The following HYDIN variants were observed in gnomAD, a reference collection of about 807,000 sequenced individuals.
The protein encoded by HYDIN is axonemal central pair apparatus protein HYDIN.
A neutral mutation model predicts 403.9 loss-of-function variants in HYDIN; 132 were observed. That is an observed-to-expected ratio of 0.33 (90% confidence interval 0.28 to 0.38). The LOEUF is 0.38. HYDIN is among the 10% of genes least tolerant of loss of function. The pLI is 1.00. For missense variants in HYDIN, 2,827 were observed against 5,009.5 expected (o/e 0.56, Z 13.15); for synonymous variants, 1,202 against 1,891.7 (o/e 0.64, Z 9.46).
At chr16:70,834,952 A>G (rs1190823459) in intron 78 of HYDIN, among the ~76,000 whole-genome samples, 8 of 143,992 alleles carry the variant, frequency 5.6e-5, no homozygotes, top group Non-Finnish European at 1.0e-4. Flanking sequence ...ACATATATGT[A>G]TATATATACA....
chr16:70,849,960 GA>G lies in HYDIN; in HGVS notation c.12652-14del. ...CATTTAACTCCACCTAGGAGACAGA[GA>G]ACAGAGCAGTGAATGCAAACCATAG... On this transcript the variant is annotated splice_polypyrimidine_tract_variant and intron_variant, in intron 74 of 85. Transcript: ENST00000393567. 1 of 600,318 alleles carries G rather than the reference GA, an allele frequency of 1.7e-6. No individual in the cohort carries two copies. Among genetic ancestry groups the G allele is most frequent in the Non-Finnish European group, 3.0e-6 (1 of 336,170 alleles). The allele number at this position is 600,318 out of a possible 1,614,324, so 37.2% of individuals were successfully genotyped here.
chr16:70,881,968 C>T (rs1185576999), intron 60 of HYDIN, among the ~76,000 whole-genome samples: 1 of 152,140 alleles, frequency 6.6e-6, no homozygotes, highest in East Asian at 1.9e-4. Flanking sequence ...ATTTTCTGTT[C>T]TGCTGTGAAA....
At chr16:71,109,334 A>C (rs2083730243) in intron 10 of HYDIN, among the ~76,000 whole-genome samples, 1 of 136,936 alleles carries the variant, frequency 7.3e-6, no homozygotes, top group South Asian at 2.2e-4. Context: ...AATATTTTAA[A>C]AGCAATGTTA....
chr16:71,186,770 T>C lies in HYDIN; in HGVS notation c.126A>G (p.Val42=), dbSNP rs1416935364. 4 of 1,612,516 alleles carry C rather than the reference T, an allele frequency of 2.5e-6. No individual in the cohort carries two copies. Among genetic ancestry groups the C allele is most frequent in the Non-Finnish European group, 3.4e-6 (4 of 1,179,100 alleles). The change falls in exon 2 of 86, where the codon GTA becomes GTG. Residue 42 remains valine (V), a synonymous_variant. Coordinates refer to ENST00000393567, the MANE Select transcript of HYDIN (RefSeq NM_001270974.2). ...LSPKVVTEEE[V]NRMLTPSEFL... is the part of the protein sequence containing the mutation. ...TTCCCGGATACATTACCATTCGGTT[T>C]ACTTCTTCTTCTGTAACCACCTTTG... is the stretch of plus-strand genomic sequence containing the variant.
chr16:71,089,259 A>AT (rs200524777), intron 11 of HYDIN, among the ~76,000 whole-genome samples: 1,919 of 152,268 alleles, frequency 0.013, 41 homozygotes, highest in African/African-American at 0.041. Flanking sequence ...CACTCGTGAT[A>AT]TTAGGCGTCC....
intron 17 of HYDIN, 87 bp downstream of exon 17, chr16:71,062,082 T>C: frequency 2.6e-6 from 3 of 1,149,172 alleles, no homozygotes; most frequent in Non-Finnish European, 1.3e-6. Flanking sequence ...TGTATGTGAA[T>C]ATGGTGTGGG....
At chr16:70,858,803 G>A (rs1388881186) in intron 71 of HYDIN, among the ~76,000 whole-genome samples, 1 of 152,090 alleles carries the variant, frequency 6.6e-6, no homozygotes, top group African/African-American at 2.4e-5. Context: ...CTGAAGTGGG[G>A]GCCATGATCC....
intron 18 of HYDIN, among the ~76,000 whole-genome samples, chr16:71,050,045 GGTGT>G (rs375649829): frequency 1.4e-5 from 2 of 138,536 alleles, no homozygotes; most frequent in Admixed American, 7.2e-5. Flanking sequence ...TGTGTGTGTG[GGTGT>G]GTGTGTGTGT....
chr16:71,158,016 C>G (rs1443917625), intron 6 of HYDIN, among the ~76,000 whole-genome samples: 1 of 150,374 alleles, frequency 6.7e-6, no homozygotes, highest in Non-Finnish European at 1.5e-5. Context: ...CTTCTTCCTT[C>G]TTCCTACTCT....
intron 36 of HYDIN, among the ~76,000 whole-genome samples, chr16:70,965,549 TA>T (rs1567917853): frequency 6.6e-6 from 1 of 152,184 alleles, no homozygotes; most frequent in Non-Finnish European, 1.5e-5. Flanking sequence ...TTTTTTCTCC[TA>T]AATCTGGCAA....
chr16:70,933,640 T>C (rs1041422743), intron 45 of HYDIN: 3 of 154,660 alleles, frequency 1.9e-5, no homozygotes, highest in African/African-American at 7.2e-5. Context: ...TCAGCGGGTG[T>C]TGTGGAGACT....
chr16:70,991,977 G>A (rs2079367839), intron 24 of HYDIN, 93 bp downstream of exon 24: 3 of 1,586,602 alleles, frequency 1.9e-6, no homozygotes, highest in Admixed American at 1.7e-5. Context: ...GGTACTGGAT[G>A]AATGAACCAA....
chr16:70,938,122 A>G (rs1320215626), intron 44 of HYDIN, among the ~76,000 whole-genome samples: 1 of 152,260 alleles, frequency 6.6e-6, no homozygotes, highest in East Asian at 1.9e-4. Context: ...GGGGATGGGC[A>G]GCACCGCCCA....
At chr16:70,951,248 CAG>C (rs376262243) in intron 41 of HYDIN, among the ~76,000 whole-genome samples, 3,353 of 130,250 alleles carry the variant, frequency 0.026, 89 homozygotes, top group African/African-American at 0.07. Flanking sequence ...GGAAAAGGGA[CAG>C]AGAGAGAGAG....
rs757397613 is a variant in HYDIN, at chr16:71,122,543, T to C, written c.1228-6748A>G. 6.5e-3 allele frequency among the ~76,000 whole-genome samples: 529 copies of C among 81,862 alleles called. 1 individual carries two copies. Among genetic ancestry groups the C allele is most frequent in the Non-Finnish European group, 0.011 (442 of 41,414 alleles). 53.7% of individuals were successfully genotyped at this position (81,862 alleles called of 152,430 possible). ...CTCAAGGCTATAATGGTAGGAGAAGTGGAAGGAGTGTGTAGTGAAAAGCTG... is the reference window on the plus strand; with the variant it reads ...CTCAAGGCTATAATGGTAGGAGAAGCGGAAGGAGTGTGTAGTGAAAAGCTG... On this transcript the variant is annotated intron_variant, in intron 9 of 85. Transcript: ENST00000393567.
chr16:70,937,995 G>A (rs1422186029), intron 44 of HYDIN, among the ~76,000 whole-genome samples: 1 of 152,222 alleles, frequency 6.6e-6, no homozygotes, highest in African/African-American at 2.4e-5. Context: ...AGTAGTTTCT[G>A]TGTGGTTCCC....
chr16:71,090,762 C>T (rs1337068701), intron 11 of HYDIN, among the ~76,000 whole-genome samples: 2 of 151,940 alleles, frequency 1.3e-5, no homozygotes, highest in African/African-American at 2.4e-5. Flanking sequence ...ACCTCAGCCT[C>T]CCAAAGCACT....
chr16:71,224,064 G>A (rs2040922383), intron 1 of HYDIN, among the ~76,000 whole-genome samples: 1 of 152,206 alleles, frequency 6.6e-6, no homozygotes, highest in African/African-American at 2.4e-5. Flanking sequence ...TGATCAACAA[G>A]TGGATAAAGA....
intron 1 of HYDIN, chr16:71,203,863 A>G (rs983118852): frequency 2.2e-6 from 1 of 453,010 alleles, no homozygotes; most frequent in Non-Finnish European, 4.4e-6. Flanking sequence ...TCAGGAGTTT[A>G]AGACCAGCCT....
Sources: allele counts gnomAD v4.1 joint callset (sites outside exome capture counted in the v4.1 genomes callset), GRCh38; gene constraint gnomAD v4.1.1; transcripts MANE v1.5; gene names NCBI Gene and HGNC (gene_info 2026-07-23, HGNC 2026-07-21).